DDX27: variants seen among roughly 807,000 people sequenced by gnomAD.
DDX27 encodes DEAD-box helicase 27, also known as probable ATP-dependent RNA helicase DDX27.
Under a neutral mutation model 99.3 loss-of-function variants are expected in DDX27, and 42 were observed. The observed-to-expected ratio is 0.42, with a 90% confidence interval of 0.33 to 0.55. The LOEUF (loss-of-function observed/expected upper bound fraction) is 0.55. Ranked by LOEUF, DDX27 falls within the 20% of genes least tolerant of loss-of-function variation. The pLI, the probability that DDX27 is intolerant of heterozygous loss-of-function variation, is 0.07. For synonymous variants in DDX27, 329 were observed against 353.8 expected (o/e 0.93, Z 0.79); for missense variants, 798 against 976.8 (o/e 0.82, Z 2.44).
intron 4 of DDX27, among the ~76,000 whole-genome samples, chr20:49,224,389 T>C (rs1979802247): frequency 7.4e-6 from 1 of 135,870 alleles, no homozygotes; most frequent in Non-Finnish European, 1.6e-5. Flanking sequence ...TGAGATGGAG[T>C]CTTACTCTGT....
At chr20:49,224,581 C>G (rs1324521413) in intron 4 of DDX27, among the ~76,000 whole-genome samples, 1 of 151,952 alleles carries the variant, frequency 6.6e-6, no homozygotes, top group Non-Finnish European at 1.5e-5. Context: ...CAGGCTGGTC[C>G]CGAACTCCTG....
At chr20:49,235,137 A>G in intron 12 of DDX27, 49 bp downstream of exon 12, 1 of 1,529,384 alleles carries the variant, frequency 6.5e-7, no homozygotes, top group Non-Finnish European at 8.8e-7. Context: ...TCTGGGGCAG[A>G]GAGGATAGAA....
chr20:49,222,099 T>C (rs1979709164), intron 2 of DDX27, among the ~76,000 whole-genome samples: 2 of 152,234 alleles, frequency 1.3e-5, no homozygotes, highest in Non-Finnish European at 2.9e-5. Flanking sequence ...CAGGCTTTGC[T>C]GGTCCTTACT....
At chr20:49,235,240 G>A (rs1240985552) in intron 12 of DDX27, 152 bp downstream of exon 12, 7 of 838,670 alleles carry the variant, frequency 8.3e-6, no homozygotes, top group Non-Finnish European at 1.7e-6. Flanking sequence ...ACCACTGTGA[G>A]GTCATGTCTT....
At chr20:49,241,412 C>A (rs1980471490) in intron 16 of DDX27, among the ~76,000 whole-genome samples, 1 of 151,318 alleles carries the variant, frequency 6.6e-6, no homozygotes, top group Non-Finnish European at 1.5e-5. Flanking sequence ...GAGAAATAGT[C>A]AAAAAAGCAT....
Position 49,230,342 on chromosome 20 carries a change from G to T in DDX27, c.1024G>T (p.Ala342Ser). Residue 342 changes from alanine to serine, a missense_variant, in exon 9 of 21, where the codon GCT becomes TCT. By Grantham distance (99) the Ala-to-Ser change is moderately conservative (BLOSUM62 1). Coordinates refer to ENST00000618172, the MANE Select transcript of DDX27 (RefSeq NM_017895.8). ...CATCGAGGTGCTCATCCTGGACGAG[G>T]CTGACAGGTGCTCCTCACAGCCTGG... is the stretch of plus-strand genomic sequence containing the variant. ...SSIEVLILDE[A>S]DRMLDEYFEE... is the part of the protein sequence containing the mutation. 1.9e-6 allele frequency: 3 copies of T among 1,606,324 alleles called. No homozygotes were observed. The highest frequency in any genetic ancestry group is 2.5e-6 in the Non-Finnish European group (3 of 1,179,662).
chr20:49,238,733 G>A (rs1335356384), intron 14 of DDX27: 3 of 528,814 alleles, frequency 5.7e-6, no homozygotes, highest in South Asian at 2.3e-5. Context: ...CTCCCAAAGC[G>A]TGGGATTACA....
At chr20:49,241,690 A>G in intron 16 of DDX27, 1 of 621,196 alleles carries the variant, frequency 1.6e-6, no homozygotes, top group Non-Finnish European at 2.9e-6. Flanking sequence ...GCTGATCCCA[A>G]ACTCCTGACC....
At chr20:49,238,792 TAG>T in intron 14 of DDX27, 155 bp from the exon 15 acceptor site, 2 of 239,374 alleles carry the variant, frequency 8.4e-6, no homozygotes, top group Non-Finnish European at 1.4e-5. Context: ...TTTTTTTTTG[TAG>T]AGACAGAGTC....
At chr20:49,238,787 TTTTGTA>T in intron 14 of DDX27, 156 bp from the exon 15 acceptor site, 12 of 259,606 alleles carry the variant, frequency 4.6e-5, no homozygotes, top group Non-Finnish European at 7.6e-5. Flanking sequence ...TTTTTTTTTT[TTTTGTA>T]GAGACAGAGT....
intron 2 of DDX27, among the ~76,000 whole-genome samples, chr20:49,222,126 A>G (rs187359301): frequency 4.0e-5 from 6 of 151,854 alleles, no homozygotes; most frequent in Admixed American, 2.6e-4. Context: ...GAAGTAAACC[A>G]GCATTGCCTT....
intron 1 of DDX27, 52 bp downstream of exon 1, chr20:49,219,593 C>A: frequency 2.0e-6 from 3 of 1,534,614 alleles, no homozygotes; most frequent in Non-Finnish European, 2.6e-6. Flanking sequence ...CCCTTCCTCG[C>A]GATTCCTCAG....
chr20:49,230,113 C>A, intron 8 of DDX27, 86 bp from the exon 9 acceptor site: 1 of 1,462,272 alleles, frequency 6.8e-7, no homozygotes, highest in Non-Finnish European at 9.1e-7. Context: ...CTGCATCTGG[C>A]CTGAGGCCTG....
rs1166287394 is a variant in DDX27 at position 49,224,948 on chromosome 20, C to T, written c.470C>T (p.Thr157Ile). The T allele has an allele frequency of 6.2e-7, 1 of 1,614,016 alleles. No homozygotes were observed. Among genetic ancestry groups the T allele is most frequent in the Non-Finnish European group, 8.5e-7 (1 of 1,180,036 alleles). Residue 157 changes from threonine to isoleucine, a missense_variant, in exon 5 of 21, where the codon ACA becomes ATA. By Grantham distance (89) the Thr-to-Ile change is moderately conservative. This residue lies in a region of DDX27 where 245 missense variants were observed against 248.8 expected (regional missense o/e 0.98). Coordinates refer to ENST00000618172, the MANE Select transcript of DDX27 (RefSeq NM_017895.8). ...TCAGCTAAGTTTTTCTCCATAGATA[C>T]ACTCAAAGTAAAGGATCGGAAGAAG... ...ADENILTKAD[T>I]LKVKDRKKKK...
chr20:49,224,730 G>A, intron 4 of DDX27: 1 of 589,900 alleles, frequency 1.7e-6, no homozygotes. Flanking sequence ...CGAGAGCCTG[G>A]TCTCTGGACC....
Position 49,236,201 on chromosome 20 carries a change from C to A in DDX27, c.1479C>A (p.Ala493=). The A allele has an allele frequency of 6.2e-7, 1 of 1,611,986 alleles. No homozygotes were observed. Among genetic ancestry groups the A allele is most frequent in the Non-Finnish European group, 8.5e-7 (1 of 1,179,052 alleles). The change falls in exon 13 of 21, where the codon GCC becomes GCA. Residue 493 remains alanine (A), a synonymous_variant. Coordinates refer to ENST00000618172, the MANE Select transcript of DDX27 (RefSeq NM_017895.8). The surrounding 1 kb of genome is among the most constrained non-coding windows in gnomAD (Gnocchi z 4.1). ...TCCTCGTGGCCACTGATGTGGCAGC[C>A]CGTGGACTTGACATTGAGGGGGTCA... The part of the protein sequence containing the change: ...IDILVATDVA[A]RGLDIEGVKT...
intron 2 of DDX27, 45 bp downstream of exon 2, chr20:49,221,643 G>A (rs1979692593): frequency 6.6e-7 from 1 of 1,525,912 alleles, no homozygotes; most frequent in Non-Finnish European, 8.8e-7. Context: ...GGGCTATTAA[G>A]ATTGGACTGT....
At chr20:49,219,672 A>C in intron 1 of DDX27, 131 bp downstream of exon 1, 3 of 953,144 alleles carry the variant, frequency 3.1e-6, no homozygotes, top group South Asian at 1.8e-5. Flanking sequence ...TCTCACCGGG[A>C]CCCCAAGATC....
chr20:49,220,661 G>A (rs1272938678), intron 1 of DDX27, among the ~76,000 whole-genome samples: 1 of 152,204 alleles, frequency 6.6e-6, no homozygotes, highest in Non-Finnish European at 1.5e-5. Flanking sequence ...CTCTCGGACA[G>A]GCCTTGGCTC....
Sources: allele counts gnomAD v4.1 joint callset (sites outside exome capture counted in the v4.1 genomes callset), GRCh38; gene constraint gnomAD v4.1.1; regional missense constraint gnomAD v4.1.1; non-coding constraint Gnocchi (gnomAD v3.1); transcripts MANE v1.5; gene names NCBI Gene and HGNC (gene_info 2026-07-23, HGNC 2026-07-21).